The following CEP250 variants were observed in gnomAD, a reference collection of about 807,000 sequenced individuals.
CEP250 encodes the protein centrosome-associated protein CEP250.
CEP250 carries 242 observed loss-of-function variants against 315.7 expected under a neutral mutation model. The observed-to-expected ratio is 0.77, with a 90% CI of 0.69 to 0.85. The LOEUF (loss-of-function observed/expected upper bound fraction) is 0.85, where lower values mean the gene tolerates loss of function less well. Ranked by LOEUF, CEP250 falls within the 40% of genes least tolerant of loss-of-function variation. The probability of loss-of-function intolerance (pLI) is 0.00; values close to 1 mark genes in which losing one functional copy is unlikely to be tolerated. For synonymous variants in CEP250, 1,088 were observed against 1,175.0 expected, an observed-to-expected ratio of 0.93 and a Z score of 1.51; for missense variants, 2,515 against 2,886.4, an observed-to-expected ratio of 0.87 and a Z score of 2.95.
At position 35,509,597 on chromosome 20, in the gene CEP250, G is replaced by T. The variant is rs118172228; in HGVS notation, c.7009-401G>T. On this transcript the variant is annotated intron_variant, in intron 33 of 34. Transcript: ENST00000397527. ...TGACAGGGAGGCGCTGTTTATGGTGGCTGAGCACTAGATCTCCATCCCTTG... is the reference window on the plus strand; with the variant it reads ...TGACAGGGAGGCGCTGTTTATGGTGTCTGAGCACTAGATCTCCATCCCTTG... Among the ~76,000 whole-genome samples the T allele has an allele frequency of 4.6e-5, 7 of 152,318 alleles. No individual in the cohort carries two copies. In the East Asian group the frequency reaches 1.4e-3, roughly 29 times the overall value.
upstream of CEP250, chr20:35,455,261 G>A (rs1294529666): frequency 6.6e-6 from 1 of 152,324 alleles, no homozygotes; most frequent in Non-Finnish European, 1.5e-5. Context: ...TCAGGGGCAG[G>A]TGGGAGGTGC....
chr20:35,455,430 C>G (rs1358070364), upstream of CEP250: 1 of 152,300 alleles, frequency 6.6e-6, no homozygotes, highest in Non-Finnish European at 1.5e-5. Context: ...CAGCTTCTTG[C>G]TGCCGCCAGC....
chr20:35,476,397 T>C (rs1295552026), intron 15 of CEP250, 52 bp from the exon 16 acceptor site: 8 of 1,568,026 alleles, frequency 5.1e-6, no homozygotes, highest in Non-Finnish European at 7.0e-6. Context: ...AACTGTTTAC[T>C]GTTCCAGGAA....
In CEP250 at chr20:35,466,966, T is replaced by C; in HGVS notation, c.493T>C (p.Phe165Leu). 1 of 1,608,428 alleles carries C rather than the reference T, an allele frequency of 6.2e-7. No homozygotes were observed. ...ATGACCTGGGTTTCTGAACACACAG[T>C]TCTTCAAGGGCTACCTGAAAGGGGA... ...KESQWQMEQE[F>L]FKGYLKGEHG... Residue 165 changes from phenylalanine to leucine, a missense_variant and splice_region_variant, in exon 8 of 35, where the codon TTC (phenylalanine) becomes CTC (leucine). Transcript: ENST00000397527.
chr20:35,479,834 A>T (rs1217016589), intron 19 of CEP250, 61 bp downstream of exon 19: 3 of 1,611,352 alleles, frequency 1.9e-6, no homozygotes, highest in East Asian at 4.5e-5. Flanking sequence ...AGGCAGGAAG[A>T]TGGTGGGAGA....
intron 26 of CEP250, 152 bp from the exon 27 acceptor site, chr20:35,498,443 T>C: frequency 1.1e-6 from 1 of 946,682 alleles, no homozygotes; most frequent in East Asian, 2.5e-5. Flanking sequence ...GGCCCATACT[T>C]ATGGAGAAAA....
intron 3 of CEP250, among the ~76,000 whole-genome samples, chr20:35,461,777 T>C (rs1283995548): frequency 6.6e-6 from 1 of 152,212 alleles, no homozygotes; most frequent in Admixed American, 6.5e-5. Context: ...AAAAACAAAA[T>C]GACGTAATGC....
chr20:35,470,193 G>GTA, intron 10 of CEP250: 1 of 588,628 alleles, frequency 1.7e-6, no homozygotes. Flanking sequence ...TATCCCTACT[G>GTA]TATTCCTGGG....
At position 35,476,511 on chromosome 20, in the gene CEP250, T is replaced by A. The variant is rs146838929; in HGVS notation, c.1779T>A (p.Asp593Glu). The A allele has an allele frequency of 1.2e-6, 2 of 1,614,022 alleles. No homozygotes were observed. Among genetic ancestry groups the A allele is most frequent in the Non-Finnish European group, 1.7e-6 (2 of 1,179,962 alleles). The change falls in exon 16 of 35, where the codon GAT becomes GAA. Residue 593 changes from aspartate (D) to glutamate (E), a missense_variant. By Grantham distance (45) the Asp-to-Glu change is conservative. Coordinates refer to ENST00000397527, the MANE Select transcript of CEP250 (RefSeq NM_007186.6). ...ACACCCTGAAGACAGAAGTAGCTGA[T>A]CTTCGGGCTGCAGCTGTCAAGCTCA... Reference protein sequence around the residue: ...SENTLKTEVADLRAAAVKLSA... With the variant: ...SENTLKTEVAELRAAAVKLSA...
intron 20 of CEP250, among the ~76,000 whole-genome samples, chr20:35,486,830 T>G (rs764850604): frequency 6.6e-6 from 1 of 152,186 alleles, no homozygotes; most frequent in Non-Finnish European, 1.5e-5. Context: ...TAGTCGGTGC[T>G]TAAAAGTATT....
chr20:35,474,876 A>G, intron 14 of CEP250: 1 of 470,908 alleles, frequency 2.1e-6, no homozygotes, highest in Non-Finnish European at 4.4e-6. Context: ...AACTGGGAGC[A>G]GGGATATATC....
intron 18 of CEP250, 30 bp from the exon 19 acceptor site, chr20:35,479,616 A>G: frequency 6.2e-7 from 1 of 1,612,600 alleles, no homozygotes. Flanking sequence ...TTGATGGGTA[A>G]GAAACTCTTC....
At chr20:35,456,786 C>CCT (rs1555827063) in intron 1 of CEP250, among the ~76,000 whole-genome samples, 1 of 141,364 alleles carries the variant, frequency 7.1e-6, no homozygotes, top group Non-Finnish European at 1.5e-5. Flanking sequence ...CCTCCCCCCA[C>CCT]TTTTTTTTTT....
chr20:35,477,717 C>A, intron 16 of CEP250, 154 bp from the exon 17 acceptor site: 1 of 663,502 alleles, frequency 1.5e-6, no homozygotes, highest in Non-Finnish European at 2.6e-6. Flanking sequence ...GGCACTAGAT[C>A]AAATGAATGG....
rs753684828 is a variant in CEP250, at chr20:35,504,925, A to C, written c.6556A>C (p.Ser2186Arg). 12 of 1,614,184 alleles carry C rather than the reference A, an allele frequency of 7.4e-6. No homozygotes were observed. In the South Asian group the frequency reaches 1.3e-4, roughly 18 times the overall value. Residue 2186 changes from serine (S) to arginine (R), a missense_variant, in exon 30 of 35, where the codon AGT becomes CGT. Coordinates refer to ENST00000397527, the MANE Select transcript of CEP250 (RefSeq NM_007186.6). ...LALSLAQTKA[S>R]VSSLQEVAMF... Reference sequence around the variant, plus strand: ...ACTCTCCCTAGCGCAGACCAAGGCCAGTGTCAGCAGTCTGCAGGAGGTAGC... The same window carrying C: ...ACTCTCCCTAGCGCAGACCAAGGCCCGTGTCAGCAGTCTGCAGGAGGTAGC...
At chr20:35,507,629 T>C in intron 30 of CEP250, 109 bp from the exon 31 acceptor site, 1 of 850,038 alleles carries the variant, frequency 1.2e-6, no homozygotes, top group Non-Finnish European at 1.9e-6. Flanking sequence ...CTAGGAAAAA[T>C]AAGACAAAAG....
rs2063070637 is a variant in CEP250 at position 35,473,277 on chromosome 20, C to T, written c.1210-97C>T. On this transcript the variant is annotated intron_variant, in intron 12 of 34. Transcript: ENST00000397527. ...CCTTCTCAGCTTTCTTTTGTTGCAC[C>T]AGCCCCCGACCCCCTTCTCCAGCCC... The T allele has an allele frequency of 4.8e-6, 5 of 1,045,988 alleles. No individual in the cohort carries two copies. The South Asian group carries it at 8.5e-5, about 18-fold the overall frequency. 64.8% of individuals were successfully genotyped at this position (1,045,988 alleles called of 1,614,324 possible).
At chr20:35,459,776 T>C (rs2062714663) in intron 2 of CEP250, among the ~76,000 whole-genome samples, 1 of 152,078 alleles carries the variant, frequency 6.6e-6, no homozygotes, top group Admixed American at 6.6e-5. Flanking sequence ...ATCCTTTCTC[T>C]AAAAATAATA....
At chr20:35,511,213 C>T (rs2064345806) in intron 34 of CEP250, 150 bp from the exon 35 acceptor site, 1 of 653,552 alleles carries the variant, frequency 1.5e-6, no homozygotes, top group Non-Finnish European at 2.6e-6. Context: ...CCTCTAAACT[C>T]TCTACAGCCT....
Sources: gnomAD v4.1 joint callset for allele counts (sites outside exome capture counted in the v4.1 genomes callset) on GRCh38, gnomAD v4.1.1 for gene constraint, MANE v1.5 for transcripts, NCBI Gene and HGNC (gene_info 2026-07-23, HGNC 2026-07-21) for gene names.